Variants in CDH7 observed in about 807,000 individuals in gnomAD.
CDH7 encodes the protein cadherin-7.
CDH7 carries 25 observed loss-of-function variants against 71.8 expected under a neutral mutation model. That is an observed-to-expected ratio of 0.35 (90% CI 0.25 to 0.49). The LOEUF (loss-of-function observed/expected upper bound fraction) is 0.49, where lower values mean the gene tolerates loss of function less well. Ranked by LOEUF, CDH7 falls within the 20% of genes least tolerant of loss-of-function variation. The pLI is 0.99. For missense variants in CDH7, 862 were observed against 974.6 expected, an observed-to-expected ratio of 0.88 and a Z score of 1.54; for synonymous variants, 381 against 363.8, an observed-to-expected ratio of 1.05 and a Z score of -0.54.
rs1707427421 is a variant in CDH7, at chr18:65,888,917, A to G, written c.*8023A>G. 2 of 152,316 alleles carry G rather than the reference A, an allele frequency of 1.3e-5. No individual in the cohort carries two copies. Among genetic ancestry groups the G allele is most frequent in the Non-Finnish European group, 2.9e-5 (2 of 68,014 alleles). The allele number at this position is 152,316 out of a possible 1,614,324, so 9.4% of individuals were successfully genotyped here. A position where few individuals can be genotyped will look rare whatever the true frequency, so the allele number is the denominator to read the frequency against. Reference sequence around the variant, plus strand: ...AGATAGCTGAAACTCTAATAATTGGACTTTCCAATCTTAATTATGCTTTAG... The same window carrying G: ...AGATAGCTGAAACTCTAATAATTGGGCTTTCCAATCTTAATTATGCTTTAG... On this transcript the variant is annotated 3_prime_UTR_variant, in exon 12 of 12. Transcript: ENST00000397968.
chr18:65,869,325 G>A lies in CDH7; in HGVS notation c.1864+6408G>A, dbSNP rs186332682. 3.3e-5 allele frequency among the ~76,000 whole-genome samples: 5 copies of A among 151,056 alleles called. No homozygotes were observed. In the East Asian group the frequency reaches 9.9e-4, roughly 30 times the overall value. ...GCTTTTAAAAACTAAATGGGATTTT[G>A]AAACACCGCAGCTTAAAATCGTATT... On this transcript the variant is annotated intron_variant, in intron 11 of 11. Transcript: ENST00000397968.
chr18:65,773,528 A>G (rs1916608116), intron 2 of CDH7, among the ~76,000 whole-genome samples: 1 of 152,112 alleles, frequency 6.6e-6, no homozygotes, highest in African/African-American at 2.4e-5. Flanking sequence ...TTTCAGAGTC[A>G]CATGATTTGG....
chr18:65,843,285 A>G (rs2143989339), intron 6 of CDH7, among the ~76,000 whole-genome samples: 1 of 152,232 alleles, frequency 6.6e-6, no homozygotes, highest in Middle Eastern at 3.4e-3. Flanking sequence ...ATGGAGAAGA[A>G]CTGGCCATGT....
rs1914272436 is a variant in CDH7, at chr18:65,882,945, A to G, written c.*2051A>G. Reference sequence around the variant, plus strand: ...TGTCTGCAAGAAGATGAAATAGTTTAGTACATTTGGATGATGTCAAAACTG... The same window carrying G: ...TGTCTGCAAGAAGATGAAATAGTTTGGTACATTTGGATGATGTCAAAACTG... On this transcript the variant is annotated 3_prime_UTR_variant, in exon 12 of 12. Coordinates refer to ENST00000397968, the MANE Select transcript of CDH7 (RefSeq NM_004361.5). 1 of 152,148 alleles carries G rather than the reference A, an allele frequency of 6.6e-6. No homozygotes were observed. The highest frequency in any genetic ancestry group is 2.4e-5 in the African/African-American group (1 of 41,464). The allele number at this position is 152,148 out of a possible 1,614,324, so 9.4% of individuals were successfully genotyped here.
chr18:65,774,649 G>A (rs1909869423), intron 2 of CDH7, among the ~76,000 whole-genome samples: 3 of 151,972 alleles, frequency 2.0e-5, no homozygotes, highest in Admixed American at 1.3e-4. Flanking sequence ...AGTGTCTACA[G>A]CTACTCTCAT....
chr18:65,840,020 A>G (rs948526891), intron 6 of CDH7, among the ~76,000 whole-genome samples: 2 of 152,180 alleles, frequency 1.3e-5, no homozygotes, highest in African/African-American at 4.8e-5. Context: ...AATCTGGGTT[A>G]CCTATCAAAA....
chr18:65,756,324 G>C (rs41356445), intron 1 of CDH7, among the ~76,000 whole-genome samples: 34,810 of 152,134 alleles, frequency 0.23, 5,216 homozygotes, highest in Non-Finnish European at 0.33. Context: ...AGATTCTGGA[G>C]GTGTTTGTCA....
At chr18:65,774,132 C>A (rs1916627605) in intron 2 of CDH7, among the ~76,000 whole-genome samples, 1 of 151,778 alleles carries the variant, frequency 6.6e-6, no homozygotes, top group Admixed American at 6.6e-5. Context: ...ATTTTTATTT[C>A]TGTTGATATT....
chr18:65,844,474 CA>C (rs1011218008), intron 7 of CDH7, among the ~76,000 whole-genome samples: 2 of 151,780 alleles, frequency 1.3e-5, no homozygotes, highest in African/African-American at 4.8e-5. Flanking sequence ...CTAAACAAAT[CA>C]TTTTATTGAT....
intron 11 of CDH7, among the ~76,000 whole-genome samples, chr18:65,875,399 T>A (rs891667953): frequency 1.3e-5 from 2 of 152,166 alleles, no homozygotes; most frequent in African/African-American, 4.8e-5. Flanking sequence ...CCAGTAGAAA[T>A]CATTTTCCAG....
intron 3 of CDH7, among the ~76,000 whole-genome samples, chr18:65,810,406 T>C (rs1312396515): frequency 1.2e-4 from 18 of 152,208 alleles, no homozygotes; most frequent in Admixed American, 1.2e-3. Context: ...TTCATTGTTC[T>C]AAACATCTCT....
At chr18:65,775,123 G>C (rs933399932) in intron 2 of CDH7, among the ~76,000 whole-genome samples, 1 of 152,276 alleles carries the variant, frequency 6.6e-6, no homozygotes, top group Non-Finnish European at 1.5e-5. Flanking sequence ...AAGTTATACA[G>C]CAATTCCTAT....
At position 65,824,800 on chromosome 18, in the gene CDH7, A is replaced by T. The variant is rs1912067553; in HGVS notation, c.950A>T (p.Glu317Val). The change falls in exon 6 of 12, where the codon GAA becomes GTA. Residue 317 changes from glutamate (E) to valine (V), a missense_variant. Transcript: ENST00000397968. The part of the protein sequence containing the change: ...LGIFKISVDK[E>V]TQEGIITIQK... Reference sequence around the variant, plus strand: ...ATTTTTAAGATTTCTGTTGACAAAGAAACCCAGGAAGGAATCATTACTATA... The same window carrying T: ...ATTTTTAAGATTTCTGTTGACAAAGTAACCCAGGAAGGAATCATTACTATA... 1 of 1,611,876 alleles carries T rather than the reference A, an allele frequency of 6.2e-7. No individual in the cohort carries two copies. The highest frequency in any genetic ancestry group is 2.2e-5 in the East Asian group (1 of 44,814).
rs1257033288 is a variant in CDH7, at chr18:65,821,298, A to G, written c.626-783A>G. Among the ~76,000 whole-genome samples the G allele has an allele frequency of 3.3e-5, 5 of 152,074 alleles. 1 individual carries two copies. The highest frequency in any genetic ancestry group is 5.9e-5 in the Non-Finnish European group (4 of 67,964). On this transcript the variant is annotated intron_variant, in intron 4 of 11. Coordinates refer to ENST00000397968, the MANE Select transcript of CDH7 (RefSeq NM_004361.5). ...AACATGAAAAATCCATAAAATCATT[A>G]TGGCTCTGAGAAGAGTATCTATATA...
chr18:65,781,494 A>G (rs1483682944), intron 2 of CDH7, among the ~76,000 whole-genome samples: 2 of 152,188 alleles, frequency 1.3e-5, no homozygotes, highest in Admixed American at 6.5e-5. Context: ...AATATTTTGT[A>G]TACTTGAATG....
rs757122904 is a variant in CDH7, at chr18:65,814,599, A to C, written c.620A>C (p.Lys207Thr). The C allele has an allele frequency of 6.2e-7, 1 of 1,607,200 alleles. No individual in the cohort carries two copies. Among genetic ancestry groups the C allele is most frequent in the Non-Finnish European group, 8.5e-7 (1 of 1,177,404 alleles). Reference sequence around the variant, plus strand: ...CAGCCGTACTTCTCAGTGGAGCCAAAGACAGGTAAAAATTGAAATGTGACA... The same window carrying C: ...CAGCCGTACTTCTCAGTGGAGCCAACGACAGGTAAAAATTGAAATGTGACA... ...QGQPYFSVEP[K>T]TGVIKTALPN... is the part of the protein sequence containing the mutation. Residue 207 changes from lysine (K) to threonine (T), a missense_variant, in exon 4 of 12, where the codon AAG (lysine) becomes ACG (threonine). Physicochemically the swap from Lys to Thr is moderately conservative, Grantham distance 78. Transcript: ENST00000397968.
chr18:65,858,814 GTAA>G, intron 8 of CDH7, 108 bp from the exon 9 acceptor site: 1 of 1,019,524 alleles, frequency 9.8e-7, no homozygotes, highest in Non-Finnish European at 1.5e-6. Flanking sequence ...CTCCTTTTAA[GTAA>G]TACAGCATTA....
At chr18:65,816,726 C>G (rs1911737063) in intron 4 of CDH7, among the ~76,000 whole-genome samples, 1 of 152,090 alleles carries the variant, frequency 6.6e-6, no homozygotes, top group Non-Finnish European at 1.5e-5. Flanking sequence ...CTCCTTCCCC[C>G]AACCTAGAAT....
intron 2 of CDH7, among the ~76,000 whole-genome samples, chr18:65,768,289 G>A (rs533900037): frequency 1.6e-4 from 24 of 151,176 alleles, no homozygotes; most frequent in Non-Finnish European, 3.1e-4. Context: ...AGACTGGCAC[G>A]TAGTGACGCA....
Sources: allele counts gnomAD v4.1 joint callset (sites outside exome capture counted in the v4.1 genomes callset), GRCh38; gene constraint gnomAD v4.1.1; transcripts MANE v1.5; gene names NCBI Gene and HGNC (gene_info 2026-07-23, HGNC 2026-07-21).